TMEM132C: variants seen among roughly 807,000 people sequenced by gnomAD.
The protein encoded by TMEM132C is transmembrane protein 132C, also known as protein phosphatase 1, regulatory subunit 152.
TMEM132C carries 29 observed loss-of-function variants against 61.4 expected under a neutral mutation model. That is an observed-to-expected ratio of 0.47 (90% confidence interval 0.35 to 0.64). The LOEUF (loss-of-function observed/expected upper bound fraction) is 0.64. Ranked by LOEUF, TMEM132C falls within the 30% of genes least tolerant of loss-of-function variation. The pLI, the probability that TMEM132C is intolerant of heterozygous loss-of-function variation, is 0.00. For missense variants in TMEM132C, 1,408 were observed against 1,476.9 expected, an observed-to-expected ratio of 0.95 and a Z score of 0.76; for synonymous variants, 656 against 633.1, an observed-to-expected ratio of 1.04 and a Z score of -0.54.
At chr12:128,622,563 G>A (rs1008813930) in intron 4 of TMEM132C, among the ~76,000 whole-genome samples, 1 of 151,114 alleles carries the variant, frequency 6.6e-6, no homozygotes, top group African/African-American at 2.4e-5. Context: ...CTCTGCCCTT[G>A]CTAAATTCAG....
chr12:128,705,785 C>T lies in TMEM132C; in HGVS notation c.2817C>T (p.Leu939=), dbSNP rs564156645. ...TGGGGGTGTTCTGCCTGGCCATCCT[C>T]GTCTTCCTGATCAACTGCGCCACCT... is the stretch of plus-strand genomic sequence containing the variant. The part of the protein sequence containing the change: ...ALLGVFCLAI[L]VFLINCATFA... The change falls in exon 9 of 9, where the codon CTC becomes CTT. Residue 939 remains leucine, a synonymous_variant. Coordinates refer to ENST00000435159, the MANE Select transcript of TMEM132C (RefSeq NM_001136103.3). The T allele has an allele frequency of 7.2e-5, 111 of 1,551,614 alleles. No individual in the cohort carries two copies. Among genetic ancestry groups the T allele is most frequent in the Non-Finnish European group, 9.3e-5 (107 of 1,147,046 alleles).
chr12:128,429,105 C>A (rs936798680), intron 2 of TMEM132C, among the ~76,000 whole-genome samples: 2 of 152,150 alleles, frequency 1.3e-5, no homozygotes, highest in African/African-American at 4.8e-5. Context: ...CCATTGCTTT[C>A]ATTGAGGTAA....
chr12:128,300,536 A>G (rs904938683), intron 1 of TMEM132C, among the ~76,000 whole-genome samples: 8 of 152,170 alleles, frequency 5.3e-5, no homozygotes, highest in Non-Finnish European at 1.0e-4. Flanking sequence ...CCTGAGTTAC[A>G]GTGATGCCTT....
intron 8 of TMEM132C, among the ~76,000 whole-genome samples, chr12:128,704,795 G>A (rs1954824936): frequency 6.6e-6 from 1 of 152,212 alleles, no homozygotes; most frequent in Non-Finnish European, 1.5e-5. Context: ...CAATACCTGT[G>A]TGGATAAAGC....
At chr12:128,682,995 C>T (rs977208744) in intron 5 of TMEM132C, among the ~76,000 whole-genome samples, 2 of 152,178 alleles carry the variant, frequency 1.3e-5, no homozygotes, top group Admixed American at 6.5e-5. Context: ...TGTGCGTCTG[C>T]CTCTGTGTTT....
chr12:128,417,799 G>T (rs1035123658), intron 2 of TMEM132C, among the ~76,000 whole-genome samples: 2 of 152,042 alleles, frequency 1.3e-5, no homozygotes, highest in Non-Finnish European at 2.9e-5. Context: ...TTGTATCTTC[G>T]CAGTAAACAG....
At chr12:128,292,848 TCAG>T (rs2135910327) in intron 1 of TMEM132C, among the ~76,000 whole-genome samples, 1 of 152,306 alleles carries the variant, frequency 6.6e-6, no homozygotes, top group Non-Finnish European at 1.5e-5. Context: ...ACTGTTGCTG[TCAG>T]CAGTTTTCTT....
chr12:128,615,663 TATAA>T (rs1876775878), intron 3 of TMEM132C, among the ~76,000 whole-genome samples: 2 of 152,100 alleles, frequency 1.3e-5, no homozygotes, highest in Admixed American at 1.3e-4. Context: ...GGGGAGTAGC[TATAA>T]ATAGAGATGG....
At chr12:128,306,400 C>T in intron 1 of TMEM132C, among the ~76,000 whole-genome samples, 1 of 151,932 alleles carries the variant, frequency 6.6e-6, no homozygotes, top group Non-Finnish European at 1.5e-5. Context: ...GATGGGGTTT[C>T]ATCGTGTTAG....
At position 128,426,451 on chromosome 12, in the gene TMEM132C, G is replaced by A. The variant is rs1006546189; in HGVS notation, c.974+10831G>A. ...TCCCAGACTCCTCATTAGCAGAAGAGACCCTAAAACACGACCAAGTTTGCA... is the reference window on the plus strand; with the variant it reads ...TCCCAGACTCCTCATTAGCAGAAGAAACCCTAAAACACGACCAAGTTTGCA... On this transcript the variant is annotated intron_variant, in intron 2 of 8. Transcript: ENST00000435159. 2.0e-5 allele frequency among the ~76,000 whole-genome samples: 3 copies of A among 152,166 alleles called. No homozygotes were observed. The South Asian group carries it at 6.2e-4, about 32-fold the overall frequency.
At chr12:128,623,318 C>T (rs1953984375) in intron 4 of TMEM132C, among the ~76,000 whole-genome samples, 1 of 152,024 alleles carries the variant, frequency 6.6e-6, no homozygotes, top group Admixed American at 6.5e-5. Flanking sequence ...ATGGGACTTG[C>T]TTTACTTAGA....
intron 2 of TMEM132C, among the ~76,000 whole-genome samples, chr12:128,462,979 T>C (rs973677293): frequency 1.3e-5 from 2 of 152,148 alleles, no homozygotes; most frequent in African/African-American, 4.8e-5. Context: ...CAGGCTTTGA[T>C]TCTTGTATCT....
intron 2 of TMEM132C, among the ~76,000 whole-genome samples, chr12:128,446,405 A>G (rs186788564): frequency 2.0e-5 from 3 of 152,356 alleles, no homozygotes; most frequent in African/African-American, 7.2e-5. Context: ...CTGAGCCCAC[A>G]AATGCCAAGC....
At chr12:128,377,440 C>A (rs1180972254) in intron 1 of TMEM132C, among the ~76,000 whole-genome samples, 1 of 152,156 alleles carries the variant, frequency 6.6e-6, no homozygotes, top group Non-Finnish European at 1.5e-5. Flanking sequence ...GGTTGGGATT[C>A]TATTGCACCA....
At chr12:128,670,811 T>C (rs1954524960) in intron 5 of TMEM132C, among the ~76,000 whole-genome samples, 1 of 152,184 alleles carries the variant, frequency 6.6e-6, no homozygotes, top group African/African-American at 2.4e-5. Flanking sequence ...TTCTGCTCTT[T>C]GTCTTTCCCA....
chr12:128,508,880 T>A (rs1872475299), intron 2 of TMEM132C, among the ~76,000 whole-genome samples: 1 of 152,180 alleles, frequency 6.6e-6, no homozygotes, highest in South Asian at 2.1e-4. Context: ...TGTCGTGTCA[T>A]GTCATGTCAG....
At position 128,669,700 on chromosome 12, in the gene TMEM132C, TCAA is replaced by T. The variant is rs1954512826; in HGVS notation, c.1449+142_1449+144del. 3 of 1,095,180 alleles carry T rather than the reference TCAA, an allele frequency of 2.7e-6. No individual in the cohort carries two copies. In the South Asian group the frequency reaches 5.9e-5, roughly 22 times the overall value. The allele number at this position is 1,095,180 out of a possible 1,614,324, so 67.8% of individuals were successfully genotyped here. On this transcript the variant is annotated intron_variant, in intron 5 of 8. Coordinates refer to ENST00000435159, the MANE Select transcript of TMEM132C (RefSeq NM_001136103.3). ...TGCAACACACTTCCAGCTGATCCAC[TCAA>T]CGTGTCCATTGCCATCTCTTTGTTT...
chr12:128,325,408 G>A (rs775155691), intron 1 of TMEM132C, among the ~76,000 whole-genome samples: 3 of 152,154 alleles, frequency 2.0e-5, no homozygotes, highest in East Asian at 1.9e-4. Context: ...ACCATTCGCC[G>A]TTTGCTGTGA....
intron 3 of TMEM132C, among the ~76,000 whole-genome samples, chr12:128,583,570 C>A (rs1006183695): frequency 1.3e-5 from 2 of 152,144 alleles, no homozygotes; most frequent in Non-Finnish European, 2.9e-5. Context: ...ACAGGGAAGA[C>A]TCCAGGCCCT....
Sources: gnomAD v4.1 joint callset for allele counts (sites outside exome capture counted in the v4.1 genomes callset) on GRCh38, gnomAD v4.1.1 for gene constraint, MANE v1.5 for transcripts, NCBI Gene and HGNC (gene_info 2026-07-23, HGNC 2026-07-21) for gene names.